ARID1B: variants seen among roughly 807,000 people sequenced by gnomAD.
ARID1B encodes AT-rich interaction domain 1B, also known as AT-rich interactive domain-containing protein 1B.
A neutral mutation model predicts 212.3 loss-of-function variants in ARID1B; 30 were observed. The ratio of observed to expected loss-of-function variants is 0.14; its 90% CI spans 0.11 to 0.19. The LOEUF (loss-of-function observed/expected upper bound fraction) is 0.19. Ranked by LOEUF, ARID1B falls within the 10% of genes least tolerant of loss-of-function variation. The pLI is 1.00. For synonymous variants in ARID1B, 1,402 were observed against 1,301.7 expected, an observed-to-expected ratio of 1.08 and a Z score of -1.66; for missense variants, 2,891 against 3,204.0, an observed-to-expected ratio of 0.90 and a Z score of 2.36.
chr6:156,786,995 ATC>A (rs1446817263), intron 1 of ARID1B, among the ~76,000 whole-genome samples: 2 of 151,098 alleles, frequency 1.3e-5, no homozygotes, highest in East Asian at 3.9e-4. Context: ...GCAAAACAAA[ATC>A]TGGTCAACAA....
chr6:156,822,555 C>G (rs1399163247), intron 1 of ARID1B, among the ~76,000 whole-genome samples: 1 of 152,254 alleles, frequency 6.6e-6, no homozygotes, highest in Non-Finnish European at 1.5e-5. Flanking sequence ...TTGGTTCTTT[C>G]TGGCTTAGAG....
chr6:156,793,925 G>A (rs750830407), intron 1 of ARID1B, among the ~76,000 whole-genome samples: 3 of 152,240 alleles, frequency 2.0e-5, no homozygotes, highest in Admixed American at 6.5e-5. Flanking sequence ...CCTTTCAACA[G>A]TCTTGCAAAA....
chr6:156,915,027 A>T (rs80265270), intron 3 of ARID1B, among the ~76,000 whole-genome samples: 2 of 152,222 alleles, frequency 1.3e-5, no homozygotes, highest in Non-Finnish European at 2.9e-5. Context: ...CTTAGTAAAC[A>T]TGGTGAAAAT....
chr6:156,997,564 T>C (rs1192047011), intron 4 of ARID1B, among the ~76,000 whole-genome samples: 1 of 152,104 alleles, frequency 6.6e-6, no homozygotes, highest in Non-Finnish European at 1.5e-5. Context: ...GTTTATCCTC[T>C]CTATGTAAGA....
Position 157,154,585 on chromosome 6 carries a change from T to G in ARID1B, c.3089+5634T>G, listed in dbSNP as rs528045244. 6.2e-4 allele frequency among the ~76,000 whole-genome samples: 90 copies of G among 144,614 alleles called. No homozygotes were observed. In the South Asian group the frequency reaches 0.013, roughly 21 times the overall value. The allele number at this position is 144,614 out of a possible 152,430, so 94.9% of individuals were successfully genotyped here. A position where few individuals can be genotyped will look rare whatever the true frequency, so the allele number is the denominator to read the frequency against. ...GCTCTTCTGTTTTTTTTTTTGTTTT[T>G]TTTTTTTTTTTTTGAGTTGGAGTCT... On this transcript the variant is annotated intron_variant, in intron 8 of 19. Coordinates refer to ENST00000636930, the MANE Select transcript of ARID1B (RefSeq NM_001374828.1).
Position 157,198,838 on chromosome 6 carries a change from A to C in ARID1B, c.4410A>C (p.Pro1470=). 1 of 1,612,244 alleles carries C rather than the reference A, an allele frequency of 6.2e-7. No individual in the cohort carries two copies. Among genetic ancestry groups the C allele is most frequent in the Non-Finnish European group, 8.5e-7 (1 of 1,179,292 alleles). ...ATGAACCTTATGGGCAGCAGTATCC[A>C]GGCCAAGGCCCTCCCTCGGGACAGC... ...RRHEPYGQQY[P]GQGPPSGQPP... The change falls in exon 17 of 20, where the codon CCA becomes CCC. Residue 1470 remains proline (P), a synonymous_variant. Coordinates refer to ENST00000636930, the MANE Select transcript of ARID1B (RefSeq NM_001374828.1).
At chr6:156,864,742 C>T (rs9372019) in intron 2 of ARID1B, among the ~76,000 whole-genome samples, 2 of 152,148 alleles carry the variant, frequency 1.3e-5, no homozygotes, top group Admixed American at 6.5e-5. Context: ...TTAGTACTCC[C>T]TTCTCACTTG....
chr6:157,106,075 A>G (rs1158115633), intron 5 of ARID1B, among the ~76,000 whole-genome samples: 1 of 152,182 alleles, frequency 6.6e-6, no homozygotes, highest in Non-Finnish European at 1.5e-5. Flanking sequence ...TTCCCTGAAC[A>G]TAGACCCCAG....
chr6:157,156,520 C>T (rs1583419633), intron 8 of ARID1B, among the ~76,000 whole-genome samples: 1 of 152,186 alleles, frequency 6.6e-6, no homozygotes, highest in Admixed American at 6.5e-5. Flanking sequence ...AGTAGTAAAA[C>T]ACTAATTCTA....
At chr6:157,004,522 G>C (rs1583123628) in intron 4 of ARID1B, among the ~76,000 whole-genome samples, 1 of 152,186 alleles carries the variant, frequency 6.6e-6, no homozygotes, top group South Asian at 2.1e-4. Context: ...GCCATGGAAG[G>C]AGATTAAATA....
At chr6:156,958,943 T>C (rs1468068371) in intron 4 of ARID1B, among the ~76,000 whole-genome samples, 1 of 152,220 alleles carries the variant, frequency 6.6e-6, no homozygotes, top group East Asian at 1.9e-4. Flanking sequence ...TTACCTGGGA[T>C]TTTCAGTTAA....
chr6:157,083,025 G>T (rs1784736312), intron 4 of ARID1B, among the ~76,000 whole-genome samples: 1 of 152,136 alleles, frequency 6.6e-6, no homozygotes, highest in South Asian at 2.1e-4. Flanking sequence ...TCCTAATCCT[G>T]AGTTTGCTTT....
chr6:156,881,382 T>C (rs1484953004), intron 2 of ARID1B, among the ~76,000 whole-genome samples: 1 of 152,228 alleles, frequency 6.6e-6, no homozygotes, highest in African/African-American at 2.4e-5. Context: ...TCTACTAGTT[T>C]TTGTTTTCAA....
At chr6:156,884,860 C>T (rs1787383374) in intron 2 of ARID1B, among the ~76,000 whole-genome samples, 1 of 152,162 alleles carries the variant, frequency 6.6e-6, no homozygotes, top group African/African-American at 2.4e-5. Flanking sequence ...ATCATTTCCC[C>T]CCAGTTCCTT....
rs1030647955 is a variant in ARID1B at position 157,210,547 on chromosome 6, C to T, written c.*2656C>T. On this transcript the variant is annotated 3_prime_UTR_variant, in exon 20 of 20. Coordinates refer to ENST00000636930, the MANE Select transcript of ARID1B (RefSeq NM_001374828.1). Reference sequence around the variant, plus strand: ...AGCCTCCTTTCCATATTCTCACCCCCGAATCAAGATTTACAGAAGCCCACG... The same window carrying T: ...AGCCTCCTTTCCATATTCTCACCCCTGAATCAAGATTTACAGAAGCCCACG... 2.2e-5 allele frequency: 5 copies of T among 232,310 alleles called. No individual in the cohort carries two copies. Among genetic ancestry groups the T allele is most frequent in the African/African-American group, 2.2e-5 (1 of 45,244 alleles). The allele number at this position is 232,310 out of a possible 1,614,324, so 14.4% of individuals were successfully genotyped here.
chr6:156,946,731 T>C (rs1267298743), intron 4 of ARID1B, among the ~76,000 whole-genome samples: 1 of 152,120 alleles, frequency 6.6e-6, no homozygotes, highest in Non-Finnish European at 1.5e-5. Context: ...TAGATGCTTT[T>C]GAGGTTTTTA....
rs1794557980 is a variant in ARID1B, at chr6:157,207,506, G to A, written c.6734G>A (p.Arg2245His). Reference sequence around the variant, plus strand: ...ACATTAGTTAGGTACGTTGGGGATCGCAAAAACCCAGTCTGTCGAGAAATG... The same window carrying A: ...ACATTAGTTAGGTACGTTGGGGATCACAAAAACCCAGTCTGTCGAGAAATG... ...YATLVRYVGD[R>H]KNPVCREMSM... The change falls in exon 20 of 20, where the codon CGC becomes CAC. Residue 2245 changes from arginine (R) to histidine (H), a missense_variant. Physicochemically the swap from Arg to His is conservative, Grantham distance 29 (BLOSUM62 0). This residue lies in a region of ARID1B where 187 missense variants were observed against 306.5 expected (regional missense o/e 0.61). Transcript: ENST00000636930. This position sits in a 1 kb window ranked among gnomAD's most constrained non-coding sequence, Gnocchi z 8.5. 6 of 1,614,088 alleles carry A rather than the reference G, an allele frequency of 3.7e-6. No homozygotes were observed. The highest frequency in any genetic ancestry group is 3.3e-5 in the South Asian group (3 of 91,086).
At chr6:157,085,385 C>T (rs1352574377) in intron 5 of ARID1B, among the ~76,000 whole-genome samples, 1 of 152,134 alleles carries the variant, frequency 6.6e-6, no homozygotes, top group African/African-American at 2.4e-5. Flanking sequence ...GGAGCATGGT[C>T]GAGGCGTTCT....
intron 3 of ARID1B, among the ~76,000 whole-genome samples, chr6:156,907,967 GTGT>G (rs917781931): frequency 3.3e-5 from 5 of 149,666 alleles, no homozygotes; most frequent in African/African-American, 1.2e-4. Flanking sequence ...GAAAGAATTT[GTGT>G]TGTTATCTGT....
Sources: gnomAD v4.1 joint callset for allele counts (sites outside exome capture counted in the v4.1 genomes callset) on GRCh38, gnomAD v4.1.1 for gene constraint, gnomAD v4.1.1 regional missense constraint, Gnocchi (gnomAD v3.1) non-coding constraint, MANE v1.5 for transcripts, NCBI Gene and HGNC (gene_info 2026-07-23, HGNC 2026-07-21) for gene names.